Variants in ROCK2 observed in about 807,000 individuals in gnomAD.
ROCK2 encodes the protein Rho associated coiled-coil containing protein kinase 2, also known as rho-associated protein kinase 2.
Under a neutral mutation model 195.1 loss-of-function variants are expected in ROCK2, and 61 were observed. The ratio of observed to expected loss-of-function variants is 0.31; its 90% CI spans 0.25 to 0.39. The LOEUF (loss-of-function observed/expected upper bound fraction) is 0.39. ROCK2 is among the 10% of genes least tolerant of loss of function. The pLI, the probability that ROCK2 is intolerant of heterozygous loss-of-function variation, is 1.00. For missense variants in ROCK2, 1,109 were observed against 1,637.4 expected (o/e 0.68, Z 5.57); for synonymous variants, 504 against 545.5 (o/e 0.92, Z 1.06).
In ROCK2 at chr2:11,181,357, T is replaced by C. The variant is rs1453819110; in HGVS notation, c.*2080A>G. 3 of 151,508 alleles carry C rather than the reference T, an allele frequency of 2.0e-5. No individual in the cohort carries two copies. Among genetic ancestry groups the C allele is most frequent in the Non-Finnish European group, 4.4e-5 (3 of 67,896 alleles). 9.4% of individuals were successfully genotyped at this position (151,508 alleles called of 1,614,324 possible). On this transcript the variant is annotated 3_prime_UTR_variant, in exon 33 of 33. Transcript: ENST00000315872. The stretch of plus-strand genomic sequence containing the variant: ...ATATTTTTCATTTTTTAATCTTACT[T>C]AAAAAAGAGCTATCCCCCAAAACCA...
chr2:11,250,931 C>T (rs549222800), intron 3 of ROCK2, among the ~76,000 whole-genome samples: 1 of 152,310 alleles, frequency 6.6e-6, no homozygotes, highest in East Asian at 1.9e-4. Context: ...CTTCCCATAT[C>T]ATCTCTGCAT....
At chr2:11,324,924 T>C (rs540471638) in intron 1 of ROCK2, among the ~76,000 whole-genome samples, 2 of 151,650 alleles carry the variant, frequency 1.3e-5, no homozygotes, top group Admixed American at 6.5e-5. Flanking sequence ...ATATTACCAT[T>C]TTTCCATTAG....
intron 3 of ROCK2, among the ~76,000 whole-genome samples, chr2:11,279,792 C>CA (rs1424097467): frequency 6.6e-6 from 1 of 152,166 alleles, no homozygotes; most frequent in Non-Finnish European, 1.5e-5. Flanking sequence ...CCACGAAACA[C>CA]ACCGTAACAA....
intron 20 of ROCK2, among the ~76,000 whole-genome samples, chr2:11,207,032 A>C (rs958942246): frequency 6.6e-6 from 1 of 152,220 alleles, no homozygotes; most frequent in Admixed American, 6.5e-5. Flanking sequence ...GGAAGAAGTA[A>C]TTCTCCTACT....
chr2:11,208,844 C>T (rs1393206476), intron 18 of ROCK2, among the ~76,000 whole-genome samples: 3 of 152,124 alleles, frequency 2.0e-5, no homozygotes, highest in African/African-American at 4.8e-5. Flanking sequence ...CCACCCGCCT[C>T]GGCCACCCAA....
chr2:11,301,262 T>C (rs1389719040), intron 1 of ROCK2, among the ~76,000 whole-genome samples: 1 of 152,166 alleles, frequency 6.6e-6, no homozygotes, highest in Non-Finnish European at 1.5e-5. Flanking sequence ...ATAAAATATA[T>C]TTGGAGATAT....
chr2:11,300,458 T>G (rs1392664819), intron 1 of ROCK2, among the ~76,000 whole-genome samples: 1 of 152,128 alleles, frequency 6.6e-6, no homozygotes, highest in Non-Finnish European at 1.5e-5. Context: ...GAGATGGGTT[T>G]TCACCATGTT....
chr2:11,330,033 C>T (rs1416299148), intron 1 of ROCK2, among the ~76,000 whole-genome samples: 1 of 152,080 alleles, frequency 6.6e-6, no homozygotes, highest in Admixed American at 6.6e-5. Context: ...TTGTACAACA[C>T]TGAGGTATTA....
In ROCK2 at chr2:11,183,121, C is replaced by G. The variant is rs1295253680; in HGVS notation, c.*316G>C. 1 of 250,536 alleles carries G rather than the reference C, an allele frequency of 4.0e-6. No homozygotes were observed. Among genetic ancestry groups the G allele is most frequent in the South Asian group, 1.4e-4 (1 of 6,994 alleles). 15.5% of individuals were successfully genotyped at this position (250,536 alleles called of 1,614,324 possible). On this transcript the variant is annotated 3_prime_UTR_variant, in exon 33 of 33. Coordinates refer to ENST00000315872, the MANE Select transcript of ROCK2 (RefSeq NM_004850.5). ...AAGCTAGAAAAGATGTTTTCTTTAG[C>G]CTTTAACTCTTCTCAATCCTTGTGT...
At chr2:11,310,603 G>A (rs938815056) in intron 1 of ROCK2, among the ~76,000 whole-genome samples, 5 of 152,074 alleles carry the variant, frequency 3.3e-5, no homozygotes, top group Admixed American at 1.3e-4. Context: ...TAATTCCTGA[G>A]AATGCAAAAT....
At chr2:11,337,316 T>C (rs934043677) in intron 1 of ROCK2, among the ~76,000 whole-genome samples, 8 of 151,732 alleles carry the variant, frequency 5.3e-5, no homozygotes, top group Non-Finnish European at 1.2e-4. Context: ...AAACATTTAT[T>C]TGACAAAGAG....
At chr2:11,330,460 T>C (rs1328232712) in intron 1 of ROCK2, among the ~76,000 whole-genome samples, 1 of 152,140 alleles carries the variant, frequency 6.6e-6, no homozygotes, top group Non-Finnish European at 1.5e-5. Context: ...TTTTCATATT[T>C]AATATACAAA....
At chr2:11,214,287 T>A in intron 17 of ROCK2, 70 bp downstream of exon 17, 1 of 847,110 alleles carries the variant, frequency 1.2e-6, no homozygotes, top group Non-Finnish European at 1.9e-6. Flanking sequence ...TTCCCTTAGT[T>A]TAGAATAACT....
chr2:11,295,826 A>G (rs986731727), intron 1 of ROCK2, among the ~76,000 whole-genome samples: 1 of 151,904 alleles, frequency 6.6e-6, no homozygotes, highest in Non-Finnish European at 1.5e-5. Context: ...GCGTGGTGGT[A>G]CACGCCTGTA....
chr2:11,331,104 A>G (rs1558400815), intron 1 of ROCK2, among the ~76,000 whole-genome samples: 1 of 151,794 alleles, frequency 6.6e-6, no homozygotes, highest in Non-Finnish European at 1.5e-5. Flanking sequence ...CTACTCAAGA[A>G]AAAAGAAAAA....
At chr2:11,300,764 C>A (rs1486071821) in intron 1 of ROCK2, among the ~76,000 whole-genome samples, 1 of 151,940 alleles carries the variant, frequency 6.6e-6, no homozygotes, top group African/African-American at 2.4e-5. Flanking sequence ...CCCTTATTTC[C>A]AAGTATCCAC....
intron 5 of ROCK2, among the ~76,000 whole-genome samples, chr2:11,232,583 CTT>C (rs1665058746): frequency 6.6e-6 from 1 of 152,122 alleles, no homozygotes; most frequent in Admixed American, 6.6e-5. Flanking sequence ...ATAAAAAACT[CTT>C]TTGTTCTTAA....
At chr2:11,331,607 G>A (rs1179469618) in intron 1 of ROCK2, among the ~76,000 whole-genome samples, 1 of 151,114 alleles carries the variant, frequency 6.6e-6, no homozygotes, top group Non-Finnish European at 1.5e-5. Flanking sequence ...GTGCACGTCA[G>A]AAGCCCTTAA....
intron 1 of ROCK2, among the ~76,000 whole-genome samples, chr2:11,336,043 C>A (rs1454250517): frequency 1.3e-5 from 2 of 152,102 alleles, no homozygotes; most frequent in African/African-American, 4.8e-5. Context: ...TTAATTTAAA[C>A]AGTGATTATC....
Sources: allele counts gnomAD v4.1 joint callset (sites outside exome capture counted in the v4.1 genomes callset), GRCh38; gene constraint gnomAD v4.1.1; transcripts MANE v1.5; gene names NCBI Gene and HGNC (gene_info 2026-07-23, HGNC 2026-07-21).